HJURP: variants seen among roughly 807,000 people sequenced by gnomAD.
The protein encoded by HJURP is 14-3-3-associated AKT substrate.
In HJURP, 49 loss-of-function variants were observed where a neutral mutation model predicts 72.0. The observed-to-expected ratio is 0.68, with a 90% confidence interval of 0.54 to 0.86. The LOEUF is 0.86. Ranked by LOEUF, HJURP falls within the 40% of genes least tolerant of loss-of-function variation. The probability of loss-of-function intolerance (pLI) is 0.00; values close to 1 mark genes in which losing one functional copy is unlikely to be tolerated. For synonymous variants in HJURP, 357 were observed against 347.1 expected (o/e 1.03, Z -0.32); for missense variants, 908 against 936.3 (o/e 0.97, Z 0.39).
chr2:233,851,087 C>T (rs1415439781), intron 3 of HJURP, among the ~76,000 whole-genome samples: 1 of 152,164 alleles, frequency 6.6e-6, no homozygotes, highest in Non-Finnish European at 1.5e-5. Context: ...TTCTGGAGAC[C>T]CAGGTAGGGT....
intron 8 of HJURP, among the ~76,000 whole-genome samples, chr2:233,839,655 G>A (rs1245179963): frequency 6.6e-6 from 1 of 152,240 alleles, no homozygotes; most frequent in Non-Finnish European, 1.5e-5. Flanking sequence ...CACGGCAGGA[G>A]CCAGTGGCTG....
chr2:233,851,301 G>C (rs13417465), intron 3 of HJURP, among the ~76,000 whole-genome samples: 29,505 of 151,918 alleles, frequency 0.19, 3,115 homozygotes, highest in African/African-American at 0.27. Context: ...ACAAGGACCG[G>C]GATTTTCTCT....
intron 7 of HJURP, among the ~76,000 whole-genome samples, chr2:233,843,303 A>G (rs1705277613): frequency 6.6e-6 from 1 of 152,114 alleles, no homozygotes; most frequent in African/African-American, 2.4e-5. Flanking sequence ...AAAGGTTCCT[A>G]GGAGATCTCA....
Position 233,841,097 on chromosome 2 carries a change from A to G in HJURP, c.1683T>C (p.Thr561=). The change falls in exon 8 of 9, where the codon ACT becomes ACC. Residue 561 remains threonine (T), a synonymous_variant. Transcript: ENST00000411486. ...IFRKSVSPSK[T]LSVPDKEVPG... ...GCACTTCTTTATCTGGGACTGAAAG[A>G]GTTTTGCTGGGTGACACTGACTTTC... The G allele has an allele frequency of 6.2e-7, 1 of 1,614,094 alleles. No homozygotes were observed. The highest frequency in any genetic ancestry group is 8.5e-7 in the Non-Finnish European group (1 of 1,180,000).
At chr2:233,849,493 C>A (rs1705447296) in intron 4 of HJURP, among the ~76,000 whole-genome samples, 1 of 152,096 alleles carries the variant, frequency 6.6e-6, no homozygotes. Flanking sequence ...CTTACTAAAT[C>A]TGGATATTAA....
chr2:233,852,669 A>ACTT (rs763925672), intron 2 of HJURP, 49 bp from the exon 3 acceptor site: 1 of 1,356,348 alleles, frequency 7.4e-7, no homozygotes, highest in African/African-American at 1.4e-5. Flanking sequence ...TGAACGCTGA[A>ACTT]CTTCTGCTCA....
At position 233,841,164 on chromosome 2, in the gene HJURP, G is replaced by A. The variant is rs78151027; in HGVS notation, c.1616C>T (p.Thr539Ile). 353 of 1,614,212 alleles carry A rather than the reference G, an allele frequency of 2.2e-4. 2 individuals are homozygous for A. In the African/African-American group the frequency reaches 3.5e-3, roughly 16 times the overall value. ...ATTTCCCTGAACGTGAAGGTCAGATGTCTGCTGCGGGCGAGTTGCGCTGTG... is the reference window on the plus strand; with the variant it reads ...ATTTCCCTGAACGTGAAGGTCAGATATCTGCTGCGGGCGAGTTGCGCTGTG... ...PTHSATRPQQ[T>I]SDLHVQGNSS... The change falls in exon 8 of 9, where the codon ACA (threonine) becomes ATA (isoleucine). Residue 539 changes from threonine to isoleucine, a missense_variant. Thr to Ile is a moderately conservative substitution (Grantham distance 89, BLOSUM62 -1). Transcript: ENST00000411486.
At chr2:233,844,126 G>A in intron 7 of HJURP, 79 bp downstream of exon 7, 1 of 1,078,180 alleles carries the variant, frequency 9.3e-7, no homozygotes, top group South Asian at 1.3e-5. Flanking sequence ...GCCAGTATGA[G>A]CAGCTCTGAG....
intron 7 of HJURP, 129 bp downstream of exon 7, chr2:233,844,076 C>G: frequency 1.4e-6 from 1 of 694,252 alleles, no homozygotes; most frequent in South Asian, 1.8e-5. Context: ...ATATCTCTAA[C>G]AAGTTATGTT....
chr2:233,845,973 C>G (rs754052115), intron 5 of HJURP, 153 bp from the exon 6 acceptor site: 1 of 570,726 alleles, frequency 1.8e-6, no homozygotes, highest in Admixed American at 3.1e-5. Context: ...TTCAAAGTCA[C>G]TTTTTCACTT....
chr2:233,843,394 A>G (rs1705280490), intron 7 of HJURP, among the ~76,000 whole-genome samples: 1 of 152,196 alleles, frequency 6.6e-6, no homozygotes. Context: ...CCTTAACTCA[A>G]TGACCAGCCT....
chr2:233,848,873 A>G (rs1446416830), intron 4 of HJURP, among the ~76,000 whole-genome samples: 1 of 152,170 alleles, frequency 6.6e-6, no homozygotes, highest in Non-Finnish European at 1.5e-5. Context: ...GGAGGCGAGC[A>G]GACTGCAGGC....
At chr2:233,843,222 T>C (rs1303653241) in intron 7 of HJURP, among the ~76,000 whole-genome samples, 4 of 152,086 alleles carry the variant, frequency 2.6e-5, no homozygotes, top group Non-Finnish European at 5.9e-5. Context: ...AGAAACAACC[T>C]GGGCGGGGAC....
chr2:233,852,475 A>C (rs1383384528), intron 3 of HJURP, 90 bp downstream of exon 3: 2 of 899,274 alleles, frequency 2.2e-6, no homozygotes, highest in Non-Finnish European at 3.7e-6. Context: ...CCTCTGCGTA[A>C]GCTCAGAGGT....
At chr2:233,842,229 G>C in intron 7 of HJURP, 24 bp from the exon 8 acceptor site, 2 of 1,566,928 alleles carry the variant, frequency 1.3e-6, no homozygotes, top group Non-Finnish European at 1.7e-6. Context: ...TACACATAAA[G>C]TAAAGGTGTG....
rs146144352 is a variant in HJURP at position 233,842,034 on chromosome 2, G to T, written c.746C>A (p.Pro249His). The T allele has an allele frequency of 1.0e-4, 168 of 1,614,170 alleles. 1 individual carries two copies. In the Admixed American group the frequency reaches 1.8e-3, roughly 18 times the overall value. ...ATTGCAAATGTCATCATCTTCAAAG[G>T]GCTGGCTGCTTAAGAAGCTGCTGCT... Reference protein sequence around the residue: ...TSSSSFLSSQPFEDDDICNVT... With the variant: ...TSSSSFLSSQHFEDDDICNVT... The change falls in exon 8 of 9, where the codon CCC becomes CAC. Residue 249 changes from proline to histidine, a missense_variant. Around this residue, in one of 3 missense-constraint regions of HJURP, gnomAD observed 598 missense variants for 619.5 expected, o/e 0.97. Transcript: ENST00000411486.
chr2:233,847,233 G>A (rs1574648002), intron 5 of HJURP, among the ~76,000 whole-genome samples, 164 bp downstream of exon 5: 1 of 152,146 alleles, frequency 6.6e-6, no homozygotes, highest in Admixed American at 6.5e-5. Flanking sequence ...GAAGGGAATC[G>A]ACACGAGGAA....
At chr2:233,845,340 T>A (rs1342141757) in intron 6 of HJURP, among the ~76,000 whole-genome samples, 1 of 151,960 alleles carries the variant, frequency 6.6e-6, no homozygotes, top group African/African-American at 2.4e-5. Context: ...TTAGTAGAGA[T>A]GAGATTTCAC....
chr2:233,841,540 C>T lies in HJURP; in HGVS notation c.1240G>A (p.Val414Ile). The change falls in exon 8 of 9, where the codon GTA becomes ATA. Residue 414 changes from valine (V) to isoleucine (I), a missense_variant. This residue lies in a region of HJURP where 598 missense variants were observed against 619.5 expected (regional missense o/e 0.97). Transcript: ENST00000411486. ...FRTLKWLISP[V>I]KIVSRPTIRQ... ...ATTGTTGGTCTGGAAACTATTTTTACAGGAGAAATTAACCATTTTAATGTC... is the reference window on the plus strand; with the variant it reads ...ATTGTTGGTCTGGAAACTATTTTTATAGGAGAAATTAACCATTTTAATGTC... The T allele has an allele frequency of 6.2e-7, 1 of 1,614,108 alleles. No homozygotes were observed. The highest frequency in any genetic ancestry group is 1.1e-5 in the South Asian group (1 of 91,078).
Sources: allele counts gnomAD v4.1 joint callset (sites outside exome capture counted in the v4.1 genomes callset), GRCh38; gene constraint gnomAD v4.1.1; regional missense constraint gnomAD v4.1.1; transcripts MANE v1.5; gene names NCBI Gene and HGNC (gene_info 2026-07-23, HGNC 2026-07-21).